Variants in COL19A1 observed in about 807,000 individuals in gnomAD.
COL19A1 encodes collagen alpha-1(XIX) chain.
Under a neutral mutation model 190.2 loss-of-function variants are expected in COL19A1, and 159 were observed. That is an observed-to-expected ratio of 0.84 (90% confidence interval 0.73 to 0.95). The LOEUF (loss-of-function observed/expected upper bound fraction) is 0.95. Among genes scored for constraint, COL19A1 ranks in the 40% least tolerant of loss-of-function variants. The pLI, the probability that COL19A1 is intolerant of heterozygous loss-of-function variation, is 0.00. For missense variants in COL19A1, 1,418 were observed against 1,431.9 expected (o/e 0.99, Z 0.16); for synonymous variants, 509 against 458.9 (o/e 1.11, Z -1.39).
chr6:69,973,581 A>C (rs1230396556), intron 11 of COL19A1, among the ~76,000 whole-genome samples: 1 of 151,892 alleles, frequency 6.6e-6, no homozygotes, highest in Non-Finnish European at 1.5e-5. Context: ...GTTTATACAC[A>C]CAGGGTTTTT....
chr6:69,993,479 G>A (rs550561447), intron 11 of COL19A1, among the ~76,000 whole-genome samples: 12 of 152,212 alleles, frequency 7.9e-5, no homozygotes, highest in African/African-American at 2.9e-4. Context: ...CATAGGATGA[G>A]TTAGGGAGGG....
chr6:69,907,248 G>A (rs941215671), intron 4 of COL19A1, among the ~76,000 whole-genome samples: 1 of 151,502 alleles, frequency 6.6e-6, no homozygotes, highest in African/African-American at 2.4e-5. Context: ...TCCTGCCTCA[G>A]CCTCCTGAGT....
intron 4 of COL19A1, among the ~76,000 whole-genome samples, chr6:69,907,273 G>A (rs1439231716): frequency 1.3e-5 from 2 of 151,798 alleles, no homozygotes; most frequent in African/African-American, 4.8e-5. Context: ...GGGATTACAG[G>A]TGCGTGCCAC....
intron 11 of COL19A1, among the ~76,000 whole-genome samples, chr6:70,018,551 A>G (rs1778244199): frequency 6.6e-6 from 1 of 152,156 alleles, no homozygotes; most frequent in South Asian, 2.1e-4. Flanking sequence ...TCATGGATGG[A>G]CAAAAGTGAA....
intron 18 of COL19A1, among the ~76,000 whole-genome samples, chr6:70,133,852 A>G (rs553584665): frequency 2.0e-5 from 3 of 152,318 alleles, no homozygotes; most frequent in Admixed American, 2.0e-4. Flanking sequence ...TTTATGAGGA[A>G]AGAGGTCTCT....
At chr6:70,165,857 G>A in intron 36 of COL19A1, 84 bp from the exon 37 acceptor site, 1 of 1,231,750 alleles carries the variant, frequency 8.1e-7, no homozygotes, top group Non-Finnish European at 1.2e-6. Flanking sequence ...TCAGAAGATG[G>A]CTCTGTGATT....
At chr6:70,067,531 C>T (rs1457532921) in intron 14 of COL19A1, among the ~76,000 whole-genome samples, 4 of 152,008 alleles carry the variant, frequency 2.6e-5, no homozygotes, top group Non-Finnish European at 5.9e-5. Flanking sequence ...TGTGAGGTAG[C>T]AGTGGTTCCA....
chr6:69,882,815 G>T (rs1768655346), intron 2 of COL19A1, among the ~76,000 whole-genome samples: 2 of 152,162 alleles, frequency 1.3e-5, no homozygotes, highest in South Asian at 4.1e-4. Context: ...ATTCCAAAAT[G>T]TGGCTTTTAC....
At chr6:69,875,648 C>T (rs1220326148) in intron 1 of COL19A1, among the ~76,000 whole-genome samples, 1 of 151,914 alleles carries the variant, frequency 6.6e-6, no homozygotes, top group African/African-American at 2.4e-5. Context: ...TCAGTGGGGT[C>T]CTTGGGTTTC....
chr6:70,044,501 G>A (rs759252716), intron 14 of COL19A1, among the ~76,000 whole-genome samples: 11 of 152,088 alleles, frequency 7.2e-5, no homozygotes, highest in Non-Finnish European at 1.5e-4. Flanking sequence ...ATCATTTTTA[G>A]CTTTTAATTG....
At chr6:70,071,455 C>T (rs148703749) in intron 15 of COL19A1, among the ~76,000 whole-genome samples, 127 of 152,212 alleles carry the variant, frequency 8.3e-4, no homozygotes, top group African/African-American at 2.9e-3. Flanking sequence ...GCTTCTTACA[C>T]TTAAAAGCTA....
chr6:70,192,617 C>T (rs1766951750), intron 48 of COL19A1, among the ~76,000 whole-genome samples: 1 of 151,998 alleles, frequency 6.6e-6, no homozygotes, highest in East Asian at 1.9e-4. Flanking sequence ...TGAAAAAAGA[C>T]ATCTCAAGCT....
intron 2 of COL19A1, among the ~76,000 whole-genome samples, chr6:69,883,878 C>T (rs904454275): frequency 1.5e-4 from 23 of 151,840 alleles, no homozygotes; most frequent in African/African-American, 4.8e-4. Context: ...ATTAAAATAA[C>T]GGATTTTAGC....
At chr6:69,929,006 A>G (rs1772577597) in intron 5 of COL19A1, among the ~76,000 whole-genome samples, 1 of 152,158 alleles carries the variant, frequency 6.6e-6, no homozygotes, top group Non-Finnish European at 1.5e-5. Flanking sequence ...AAATGATCAC[A>G]TTCTTAGTCT....
Position 70,210,535 on chromosome 6 carries a change from G to T in COL19A1, c.*3261G>T, listed in dbSNP as rs866815505. 6.6e-6 allele frequency among the ~76,000 whole-genome samples: 1 copy of T among 152,042 alleles called. No individual in the cohort carries two copies. The highest frequency in any genetic ancestry group is 1.5e-5 in the Non-Finnish European group (1 of 67,968). ...AACTTAAGCAATTATATTAAAATAC[G>T]TTGTCTGTGAAAATTATCATTTGAT... On this transcript the variant is annotated 3_prime_UTR_variant, in exon 51 of 51. Transcript: ENST00000620364.
intron 4 of COL19A1, among the ~76,000 whole-genome samples, chr6:69,908,004 C>G (rs979512932): frequency 6.6e-6 from 1 of 152,268 alleles, no homozygotes; most frequent in South Asian, 2.1e-4. Context: ...GATGTATTGC[C>G]TTCTATTGTT....
chr6:70,156,106 C>G, intron 31 of COL19A1, 21 bp from the exon 32 acceptor site: 1 of 1,607,790 alleles, frequency 6.2e-7, no homozygotes, highest in Non-Finnish European at 8.5e-7. Flanking sequence ...CCCTCAGTAA[C>G]CTTATCTTTA....
Position 70,036,206 on chromosome 6 carries a change from A to G in COL19A1, c.1170+267A>G, listed in dbSNP as rs16868456. On this transcript the variant is annotated intron_variant, in intron 14 of 50. Transcript: ENST00000620364. ...ATTTCCTCTATCCTCCATATGGCTCATAATTTTGTCTCCTAAATGTTTGAT... is the reference window on the plus strand; with the variant it reads ...ATTTCCTCTATCCTCCATATGGCTCGTAATTTTGTCTCCTAAATGTTTGAT... 0.023 allele frequency among the ~76,000 whole-genome samples: 3,456 copies of G among 152,324 alleles called. 142 individuals are homozygous for G. Among genetic ancestry groups the G allele is most frequent in the African/African-American group, 0.076 (3,162 of 41,564 alleles).
intron 15 of COL19A1, among the ~76,000 whole-genome samples, chr6:70,073,299 A>T (rs1018692865): frequency 6.6e-6 from 1 of 151,926 alleles, no homozygotes; most frequent in Non-Finnish European, 1.5e-5. Flanking sequence ...AGATTGCCTG[A>T]ATTTAAATCC....
Sources: allele counts gnomAD v4.1 joint callset (sites outside exome capture counted in the v4.1 genomes callset), GRCh38; gene constraint gnomAD v4.1.1; transcripts MANE v1.5; gene names NCBI Gene and HGNC (gene_info 2026-07-23, HGNC 2026-07-21).